SLFNL1: variants seen among roughly 807,000 people sequenced by gnomAD.
The protein encoded by SLFNL1 is schlafen like 1.
Under a neutral mutation model 32.5 loss-of-function variants are expected in SLFNL1, and 26 were observed. That is an observed-to-expected ratio of 0.80 (90% CI 0.59 to 1.11). SLFNL1 has a LOEUF of 1.11. Among genes scored for constraint, SLFNL1 ranks in the 50% least tolerant of loss-of-function variants. The pLI is 0.00. For missense variants in SLFNL1, 553 were observed against 546.5 expected, an observed-to-expected ratio of 1.01 and a Z score of -0.12; for synonymous variants, 255 against 242.2, an observed-to-expected ratio of 1.05 and a Z score of -0.49.
At position 41,016,032 on chromosome 1, in the gene SLFNL1, C is replaced by T; in HGVS notation, c.*74G>A. ...AGCCCGCATGGGCTTTACTGGTTGGCCTTACACTCAAACAGGAAATCCCTG... is the reference window on the plus strand; with the variant it reads ...AGCCCGCATGGGCTTTACTGGTTGGTCTTACACTCAAACAGGAAATCCCTG... On this transcript the variant is annotated 3_prime_UTR_variant, in exon 6 of 6. Coordinates refer to ENST00000302946, the MANE Select transcript of SLFNL1 (RefSeq NM_144990.4). 6.4e-7 allele frequency: 1 copy of T among 1,553,880 alleles called. No individual in the cohort carries two copies. Among genetic ancestry groups the T allele is most frequent in the Admixed American group, 1.9e-5 (1 of 53,440 alleles).
At chr1:41,019,184 A>G (rs1643628714) in intron 3 of SLFNL1, among the ~76,000 whole-genome samples, 1 of 152,074 alleles carries the variant, frequency 6.6e-6, no homozygotes, top group African/African-American at 2.4e-5. Flanking sequence ...CAATTCTTTC[A>G]TGAGCGTGGG....
Position 41,018,105 on chromosome 1 carries a change from C to T in SLFNL1, c.487G>A (p.Gly163Ser). 6.5e-7 allele frequency: 1 copy of T among 1,543,996 alleles called. No homozygotes were observed. The highest frequency in any genetic ancestry group is 1.2e-5 in the South Asian group (1 of 84,714). ...DSGLSPGPSP[G>S]SGVPLPTWPT... ...CAGGTGGGCAGCGGGACACCAGAGC[C>T]TGGACTGGGGCCAGGGCTCAGGCCA... Residue 163 changes from glycine to serine, a missense_variant, in exon 4 of 6, where the codon GGC (glycine) becomes AGC (serine). By Grantham distance (56) the Gly-to-Ser change is moderately conservative. Coordinates refer to ENST00000302946, the MANE Select transcript of SLFNL1 (RefSeq NM_144990.4).
At chr1:41,018,487 T>TA (rs1170188589) in intron 3 of SLFNL1, 10 of 249,628 alleles carry the variant, frequency 4.0e-5, no homozygotes, top group Non-Finnish European at 6.1e-5. Flanking sequence ...CATTTTTTCT[T>TA]ACTTGGGTTG....
Position 41,017,396 on chromosome 1 carries a change from A to T in SLFNL1, c.958-19T>A. ...GGATCACCTTGGTAGGGGCAACAGC[A>T]GCTCTGGAGGCGCCGCCCCTCACGG... On this transcript the variant is annotated intron_variant, in intron 4 of 5. Transcript: ENST00000302946. This position sits in a 1 kb window ranked among gnomAD's most constrained non-coding sequence, Gnocchi z 4.9. 1 of 1,607,602 alleles carries T rather than the reference A, an allele frequency of 6.2e-7. No individual in the cohort carries two copies. The highest frequency in any genetic ancestry group is 1.3e-5 in the African/African-American group (1 of 74,884).
rs1242043553 is a variant in SLFNL1 at position 41,016,169 on chromosome 1, C to A, written c.1161G>T (p.Lys387Asn). The change falls in exon 6 of 6, where the codon AAG (lysine) becomes AAT (asparagine). Residue 387 changes from lysine to asparagine, a missense_variant. By Grantham distance (94) the Lys-to-Asn change is moderately conservative. Coordinates refer to ENST00000302946, the MANE Select transcript of SLFNL1 (RefSeq NM_144990.4). ...EEKMKALMMEKEQLQQQLQQH... is the reference protein window; with the variant it reads ...EEKMKALMMENEQLQQQLQQH... Reference sequence around the variant, plus strand: ...GCTGCAGCTGCTGCTGGAGCTGCTCCTTCTCCATCATCAGCGCCTTCATCT... The same window carrying A: ...GCTGCAGCTGCTGCTGGAGCTGCTCATTCTCCATCATCAGCGCCTTCATCT... The A allele has an allele frequency of 1.2e-6, 2 of 1,614,066 alleles. No homozygotes were observed. Among genetic ancestry groups the A allele is most frequent in the African/African-American group, 2.7e-5 (2 of 74,944 alleles).
chr1:41,016,445 G>T, intron 5 of SLFNL1: 1 of 623,566 alleles, frequency 1.6e-6, no homozygotes, highest in Non-Finnish European at 2.7e-6. Context: ...AGCCTCCTCC[G>T]TGCTGGGCAG....
Position 41,017,950 on chromosome 1 carries a change from C to G in SLFNL1, c.642G>C (p.Gln214His). 6.2e-7 allele frequency: 1 copy of G among 1,611,824 alleles called. No homozygotes were observed. The highest frequency in any genetic ancestry group is 8.5e-7 in the Non-Finnish European group (1 of 1,179,516). Residue 214 changes from glutamine to histidine, a missense_variant, in exon 4 of 6, where the codon CAG becomes CAC. Transcript: ENST00000302946. This position sits in a 1 kb window ranked among gnomAD's most constrained non-coding sequence, Gnocchi z 4.9. ...QQIVGKDQLF[Q>H]GAFLGSETRN... is the part of the protein sequence containing the mutation. The stretch of plus-strand genomic sequence containing the variant: ...GGGTCTCGCTGCCCAGGAAGGCACC[C>G]TGGAAGAGCTGGTCCTTGCCCACGA...
rs371953162 is a variant in SLFNL1 at position 41,020,221 on chromosome 1, C to G, written c.435+5G>C. ...TGGAGCTTGCTTGGGAAAAGTCCCA[C>G]TTACCTCTCTGTGGCTGAAGGGCCC... On this transcript the variant is annotated splice_donor_5th_base_variant and intron_variant, in intron 3 of 5. Transcript: ENST00000302946. 6.3e-7 allele frequency: 1 copy of G among 1,576,498 alleles called. No individual in the cohort carries two copies. Among genetic ancestry groups the G allele is most frequent in the African/African-American group, 1.3e-5 (1 of 74,092 alleles).
chr1:41,017,564 A>G lies in SLFNL1; in HGVS notation c.957+71T>C, dbSNP rs970999491. On this transcript the variant is annotated intron_variant, in intron 4 of 5. Transcript: ENST00000302946. This position sits in a 1 kb window ranked among gnomAD's most constrained non-coding sequence, Gnocchi z 4.9. ...CCCTGCCCCAGCACTGCCTGGCAGG[A>G]GTGCAGGCCATCGTCTTACTGAGTG... 52 of 1,499,720 alleles carry G rather than the reference A, an allele frequency of 3.5e-5. No homozygotes were observed. Among genetic ancestry groups the G allele is most frequent in the Non-Finnish European group, 4.4e-5 (49 of 1,123,732 alleles). The allele number at this position is 1,499,720 out of a possible 1,614,324, so 92.9% of individuals were successfully genotyped here.
At chr1:41,020,012 G>A (rs1455906574) in intron 3 of SLFNL1, among the ~76,000 whole-genome samples, 4 of 152,220 alleles carry the variant, frequency 2.6e-5, no homozygotes, top group Non-Finnish European at 4.4e-5. Context: ...TCACACAAAC[G>A]TCGGGCTTGA....
chr1:41,018,067 C>G lies in SLFNL1; in HGVS notation c.525G>C (p.Thr175=). Residue 175 remains threonine (T), a synonymous_variant, in exon 4 of 6, where the codon ACG becomes ACC. Transcript: ENST00000302946. Reference sequence around the variant, plus strand: ...GCTGGGCCTGGGGCCTATCAGGCAGCGTGTGTGTAGGCCAGGTGGGCAGCG... The same window carrying G: ...GCTGGGCCTGGGGCCTATCAGGCAGGGTGTGTGTAGGCCAGGTGGGCAGCG... ...GVPLPTWPTH[T]LPDRPQAQQL... 6.3e-7 allele frequency: 1 copy of G among 1,581,786 alleles called. No homozygotes were observed. The highest frequency in any genetic ancestry group is 2.3e-5 in the East Asian group (1 of 43,032).
chr1:41,019,828 GGCCTCTCATCCCT>G (rs1251879379), intron 3 of SLFNL1, among the ~76,000 whole-genome samples: 1 of 152,142 alleles, frequency 6.6e-6, no homozygotes, highest in African/African-American at 2.4e-5. Context: ...GGCCTGGCTG[GGCCTCTCATCCCT>G]GCCTTACTCT....
At position 41,017,570 on chromosome 1, in the gene SLFNL1, G is replaced by C; in HGVS notation, c.957+65C>G. On this transcript the variant is annotated intron_variant, in intron 4 of 5. Coordinates refer to ENST00000302946, the MANE Select transcript of SLFNL1 (RefSeq NM_144990.4). This position sits in a 1 kb window ranked among gnomAD's most constrained non-coding sequence, Gnocchi z 4.9. ...CCCAGCACTGCCTGGCAGGAGTGCAGGCCATCGTCTTACTGAGTGATGACA... is the reference window on the plus strand; with the variant it reads ...CCCAGCACTGCCTGGCAGGAGTGCACGCCATCGTCTTACTGAGTGATGACA... The C allele has an allele frequency of 6.6e-7, 1 of 1,504,462 alleles. No homozygotes were observed. The highest frequency in any genetic ancestry group is 1.8e-4 in the Middle Eastern group (1 of 5,468). 93.2% of individuals were successfully genotyped at this position (1,504,462 alleles called of 1,614,324 possible). A position where few individuals can be genotyped will look rare whatever the true frequency, so the allele number is the denominator to read the frequency against.
At chr1:41,018,836 T>G (rs1306290694) in intron 3 of SLFNL1, among the ~76,000 whole-genome samples, 3 of 136,088 alleles carry the variant, frequency 2.2e-5, no homozygotes, top group Non-Finnish European at 4.8e-5. Flanking sequence ...CTGTTTTTTT[T>G]TTTTTTTTTT....
At chr1:41,016,401 T>C in intron 5 of SLFNL1, 173 bp from the exon 6 acceptor site, 1 of 982,344 alleles carries the variant, frequency 1.0e-6, no homozygotes, top group Middle Eastern at 3.4e-4. Context: ...CGTGTCAGCC[T>C]GAGGGAAGCT....
chr1:41,016,467 C>G (rs377596021), intron 5 of SLFNL1: 1 of 545,536 alleles, frequency 1.8e-6, no homozygotes, highest in Non-Finnish European at 3.3e-6. Flanking sequence ...CCATGTGCCT[C>G]CTCACTGTTG....
intron 3 of SLFNL1, among the ~76,000 whole-genome samples, chr1:41,019,041 C>CTTGTTAGCCAGG (rs1643617915): frequency 6.6e-6 from 1 of 151,840 alleles, no homozygotes; most frequent in Admixed American, 6.6e-5. Flanking sequence ...GGGGTTTCAC[C>CTTGTTAGCCAGG]ATGGTCTCGA....
chr1:41,017,896 G>T lies in SLFNL1; in HGVS notation c.696C>A (p.Gly232=). The T allele has an allele frequency of 6.2e-7, 1 of 1,610,870 alleles. No individual in the cohort carries two copies. Among genetic ancestry groups the T allele is most frequent in the Non-Finnish European group, 8.5e-7 (1 of 1,178,156 alleles). ...GCTTGAAGGCCAGGCTGAGGTACTC[G>T]CCGCTACCCCGCTTGAACTCCATAT... ...TRNMEFKRGS[G]EYLSLAFKHH... The change falls in exon 4 of 6, where the codon GGC becomes GGA. Residue 232 remains glycine, a synonymous_variant. Coordinates refer to ENST00000302946, the MANE Select transcript of SLFNL1 (RefSeq NM_144990.4). The surrounding 1 kb of genome is among the most constrained non-coding windows in gnomAD (Gnocchi z 4.9).
Position 41,016,219 on chromosome 1 carries a change from C to T in SLFNL1, c.1111G>A (p.Val371Met), listed in dbSNP as rs746828416. 10 of 1,614,018 alleles carry T rather than the reference C, an allele frequency of 6.2e-6. No homozygotes were observed. Among genetic ancestry groups the T allele is most frequent in the East Asian group, 2.2e-5 (1 of 44,888 alleles). ...IQEWCRQRWL[V>M]ELGKLEEKMK... is the part of the protein sequence containing the mutation. ...TTCTCTTCCAGCTTGCCCAGCTCCACCAGCCACCTCTGAGGGGACATGGGA... is the reference window on the plus strand; with the variant it reads ...TTCTCTTCCAGCTTGCCCAGCTCCATCAGCCACCTCTGAGGGGACATGGGA... Residue 371 changes from valine to methionine, a missense_variant, in exon 6 of 6, where the codon GTG (valine) becomes ATG (methionine). By Grantham distance (21) the Val-to-Met change is conservative. Coordinates refer to ENST00000302946, the MANE Select transcript of SLFNL1 (RefSeq NM_144990.4).
Sources: gnomAD v4.1 joint callset for allele counts (sites outside exome capture counted in the v4.1 genomes callset) on GRCh38, gnomAD v4.1.1 for gene constraint, Gnocchi (gnomAD v3.1) non-coding constraint, MANE v1.5 for transcripts, NCBI Gene and HGNC (gene_info 2026-07-23, HGNC 2026-07-21) for gene names.